Variants in PCDH11X observed in about 807,000 individuals in gnomAD.
PCDH11X encodes the protein protocadherin-11 X-linked.
A neutral mutation model predicts 53.3 loss-of-function variants in PCDH11X; 18 were observed. The ratio of observed to expected loss-of-function variants is 0.34; its 90% CI spans 0.23 to 0.50. PCDH11X has a LOEUF of 0.50. Ranked by LOEUF, PCDH11X falls within the 20% of genes least tolerant of loss-of-function variation. The pLI, the probability that PCDH11X is intolerant of heterozygous loss-of-function variation, is 0.98. For missense variants in PCDH11X, 570 were observed against 1,032.4 expected (o/e 0.55, Z 6.14); for synonymous variants, 279 against 393.3 (o/e 0.71, Z 3.44).
chrX:91,987,714 A>C (rs925321801), intron 6 of PCDH11X, among the ~76,000 whole-genome samples: 1 of 111,150 alleles, frequency 9.0e-6, no homozygotes, highest in African/African-American at 3.3e-5. Context: ...CAAGAGTCAG[A>C]AAAAAAGAGA....
chrX:92,148,202 T>C (rs2065362529), intron 6 of PCDH11X, among the ~76,000 whole-genome samples: 1 of 71,049 alleles, frequency 1.4e-5, no homozygotes, highest in Non-Finnish European at 2.6e-5. Context: ...CTTTCTTTCT[T>C]TCTTTCTCCC....
At chrX:92,437,881 A>G (rs2148631744) in intron 9 of PCDH11X, among the ~76,000 whole-genome samples, 1 of 110,948 alleles carries the variant, frequency 9.0e-6, no homozygotes, top group African/African-American at 3.3e-5. Context: ...GATTTAAAAA[A>G]TACAGCTATA....
intron 1 of PCDH11X, among the ~76,000 whole-genome samples, chrX:91,789,095 G>C (rs914229330): frequency 1.9e-5 from 2 of 105,611 alleles, no homozygotes; most frequent in East Asian, 6.0e-4. Context: ...CCAGCTACTC[G>C]GGAGGCTGAG....
intron 6 of PCDH11X, among the ~76,000 whole-genome samples, chrX:92,148,165 C>T (rs767696667): frequency 4.7e-4 from 9 of 19,253 alleles, no homozygotes; most frequent in African/African-American, 7.1e-4. Flanking sequence ...TCCTTCCTTC[C>T]TTCCTTCCTT....
intron 7 of PCDH11X, among the ~76,000 whole-genome samples, chrX:92,218,454 G>T (rs2066774067): frequency 9.0e-6 from 1 of 111,239 alleles, no homozygotes; most frequent in Admixed American, 9.6e-5. Flanking sequence ...TAGAAGAAAT[G>T]GATAAATTCC....
intron 8 of PCDH11X, among the ~76,000 whole-genome samples, chrX:92,355,659 A>AT (rs775251756): frequency 2.3e-4 from 24 of 104,721 alleles, no homozygotes; most frequent in South Asian, 8.8e-4. Context: ...GTTTCCCTGC[A>AT]TTTTTTTTGC....
chrX:92,401,180 G>C (rs2071381059), intron 9 of PCDH11X, among the ~76,000 whole-genome samples: 1 of 106,471 alleles, frequency 9.4e-6, no homozygotes, highest in African/African-American at 3.5e-5. Flanking sequence ...GCTACTTTTT[G>C]AGATGTTAGA....
intron 4 of PCDH11X, among the ~76,000 whole-genome samples, chrX:91,825,299 T>G (rs1383686463): frequency 6.3e-5 from 7 of 110,564 alleles, no homozygotes; most frequent in Non-Finnish European, 1.1e-4. Flanking sequence ...CAGTTTGATC[T>G]CAGACTGCTG....
At chrX:92,181,278 G>T (rs372339736) in intron 6 of PCDH11X, among the ~76,000 whole-genome samples, 3 of 111,446 alleles carry the variant, frequency 2.7e-5, no homozygotes, top group Admixed American at 1.9e-4. Context: ...TGAGAGAGAT[G>T]ATTTAGGGTA....
intron 7 of PCDH11X, among the ~76,000 whole-genome samples, chrX:92,222,484 T>G (rs780949318): frequency 9.0e-6 from 1 of 111,628 alleles, no homozygotes; most frequent in African/African-American, 3.3e-5. Context: ...TAGCATCCAT[T>G]GTAGAGCATC....
At chrX:92,419,275 C>CTTTTTTTTTTTTTTTTT (rs200748988) in intron 9 of PCDH11X, among the ~76,000 whole-genome samples, 1 of 88,909 alleles carries the variant, frequency 1.1e-5, no homozygotes, top group Non-Finnish European at 2.2e-5. Flanking sequence ...TTTTTTTGTT[C>CTTTTTTTTTTTTTTTTT]TTTTTTTTTT....
chrX:92,254,945 C>T (rs2067537480), intron 7 of PCDH11X, among the ~76,000 whole-genome samples: 1 of 96,822 alleles, frequency 1.0e-5, no homozygotes, highest in African/African-American at 3.8e-5. Flanking sequence ...CGAGGAGTAT[C>T]TTTGTGGCGT....
rs566573698 is a variant in PCDH11X, at chrX:92,545,387, CTTTTTTTTTTTTT to C, written c.3368-72863_3368-72851del. 9.1e-5 allele frequency among the ~76,000 whole-genome samples: 6 copies of C among 66,043 alleles called. No homozygotes were observed. In the East Asian group the frequency reaches 1.5e-3, roughly 16 times the overall value. 57.4% of individuals were successfully genotyped at this position (66,043 alleles called of 115,157 possible). ...ATCATTGACTTCGAAGGTTAAATTCCTTTTTTTTTTTTTTTTTTTTTTTTTTGTTTTTGAGGCG... is the reference window on the plus strand; with the variant it reads ...ATCATTGACTTCGAAGGTTAAATTCCTTTTTTTTTTTTTGTTTTTGAGGCG... On this transcript the variant is annotated intron_variant, in intron 10 of 10. Coordinates refer to ENST00000682573, the MANE Select transcript of PCDH11X (RefSeq NM_032968.5).
At chrX:92,262,395 A>G (rs901096822) in intron 7 of PCDH11X, among the ~76,000 whole-genome samples, 2 of 111,730 alleles carry the variant, frequency 1.8e-5, no homozygotes, top group Admixed American at 1.9e-4. Flanking sequence ...CAGTAACTTA[A>G]TCCTCTACAA....
At chrX:92,424,441 G>C (rs2072060267) in intron 9 of PCDH11X, among the ~76,000 whole-genome samples, 1 of 96,457 alleles carries the variant, frequency 1.0e-5, no homozygotes, top group African/African-American at 3.4e-5. Context: ...CATAGTTCAG[G>C]TTTCAAAACC....
intron 6 of PCDH11X, among the ~76,000 whole-genome samples, chrX:91,976,197 C>T (rs1187707994): frequency 9.0e-6 from 1 of 111,460 alleles, no homozygotes; most frequent in Non-Finnish European, 1.9e-5. Context: ...GGACTACAGG[C>T]ATGCGCCACC....
chrX:91,859,848 C>G (rs1349208948), intron 5 of PCDH11X, among the ~76,000 whole-genome samples: 1 of 109,227 alleles, frequency 9.2e-6, no homozygotes, highest in East Asian at 2.9e-4. Context: ...CAGTACCATG[C>G]TATTTTGGTT....
chrX:92,608,795 G>A (rs1488704192), intron 10 of PCDH11X, among the ~76,000 whole-genome samples: 3 of 110,819 alleles, frequency 2.7e-5, no homozygotes, highest in African/African-American at 9.8e-5. Context: ...ATGTTCTATA[G>A]TTCTACCAGT....
chrX:92,191,348 G>A (rs907134969), intron 6 of PCDH11X, among the ~76,000 whole-genome samples: 12 of 110,596 alleles, frequency 1.1e-4, no homozygotes, highest in South Asian at 7.6e-4. Context: ...TTCTCTGTTC[G>A]TCCTTTTGTT....
Sources: gnomAD v4.1 joint callset for allele counts (sites outside exome capture counted in the v4.1 genomes callset) on GRCh38, gnomAD v4.1.1 for gene constraint, MANE v1.5 for transcripts, NCBI Gene and HGNC (gene_info 2026-07-23, HGNC 2026-07-21) for gene names.